ERP44: variants seen among roughly 807,000 people sequenced by gnomAD.
ERP44 encodes the protein endoplasmic reticulum resident protein 44.
Under a neutral mutation model 53.4 loss-of-function variants are expected in ERP44, and 25 were observed. That is an observed-to-expected ratio of 0.47 (90% CI 0.34 to 0.65). The LOEUF is 0.65. Among genes scored for constraint, ERP44 ranks in the 30% least tolerant of loss-of-function variants. The pLI is 0.01. For missense variants in ERP44, 338 were observed against 493.2 expected (o/e 0.69, Z 2.98); for synonymous variants, 145 against 161.2 (o/e 0.90, Z 0.76).
intron 1 of ERP44, among the ~76,000 whole-genome samples, chr9:100,087,415 G>C (rs962217732): frequency 2.6e-5 from 4 of 152,060 alleles, no homozygotes; most frequent in Admixed American, 2.6e-4. Flanking sequence ...TAATACCATT[G>C]GACAGACAAC....
chr9:100,087,897 C>T lies in ERP44; in HGVS notation c.57+10887G>A, dbSNP rs916225599. Among the ~76,000 whole-genome samples the T allele has an allele frequency of 4.6e-5, 7 of 152,126 alleles. No individual in the cohort carries two copies. The South Asian group carries it at 1.0e-3, about 23-fold the overall frequency. ...TAAAATGTTATCAGTGGTTAGTGTACGCATTTTTTTCTTCATTATGCTTTT... is the reference window on the plus strand; with the variant it reads ...TAAAATGTTATCAGTGGTTAGTGTATGCATTTTTTTCTTCATTATGCTTTT... On this transcript the variant is annotated intron_variant, in intron 1 of 11. Transcript: ENST00000262455.
At chr9:100,012,742 C>T (rs1005452060) in intron 8 of ERP44, among the ~76,000 whole-genome samples, 4 of 152,224 alleles carry the variant, frequency 2.6e-5, no homozygotes, top group African/African-American at 9.6e-5. Flanking sequence ...TTTTTAAATG[C>T]TGTTGGCATA....
At chr9:99,999,030 C>G in intron 10 of ERP44, 1 of 907,948 alleles carries the variant, frequency 1.1e-6, no homozygotes, top group Admixed American at 1.9e-5. Flanking sequence ...GGCGCAGCTG[C>G]TCCTTGGTGA....
chr9:100,040,877 A>C (rs991771877), intron 4 of ERP44, among the ~76,000 whole-genome samples: 2 of 152,168 alleles, frequency 1.3e-5, no homozygotes, highest in Non-Finnish European at 2.9e-5. Flanking sequence ...AACAATCTAA[A>C]AAAGAAATAA....
chr9:100,046,968 A>C (rs1445669020), intron 4 of ERP44, among the ~76,000 whole-genome samples: 2 of 152,212 alleles, frequency 1.3e-5, no homozygotes, highest in Non-Finnish European at 2.9e-5. Flanking sequence ...CCACACATAC[A>C]GTGTCAGTTT....
intron 1 of ERP44, among the ~76,000 whole-genome samples, chr9:100,069,414 C>T (rs1015318189): frequency 2.6e-5 from 4 of 151,872 alleles, no homozygotes; most frequent in African/African-American, 9.7e-5. Context: ...TCTTAGAATA[C>T]TCTACAAAAC....
rs1230523154 is a variant in ERP44 at position 99,981,330 on chromosome 9, A to G, written c.*1282T>C. The stretch of plus-strand genomic sequence containing the variant: ...CATTAAATATCCATTATAAATATTA[A>G]TTTTATTTTAAAAGAATTGGAAGAT... On this transcript the variant is annotated 3_prime_UTR_variant, in exon 12 of 12. Coordinates refer to ENST00000262455, the MANE Select transcript of ERP44 (RefSeq NM_015051.3). 6.6e-6 allele frequency: 1 copy of G among 152,612 alleles called. No homozygotes were observed. The highest frequency in any genetic ancestry group is 2.4e-5 in the African/African-American group (1 of 41,456). The allele number at this position is 152,612 out of a possible 1,614,324, so 9.5% of individuals were successfully genotyped here. A position where few individuals can be genotyped will look rare whatever the true frequency, so the allele number is the denominator to read the frequency against.
At chr9:100,096,925 A>C (rs1257970583) in intron 1 of ERP44, among the ~76,000 whole-genome samples, 1 of 152,218 alleles carries the variant, frequency 6.6e-6, no homozygotes, top group African/African-American at 2.4e-5. Context: ...GCGATTAGAC[A>C]GGATAGATGT....
At chr9:100,086,991 A>C (rs908816191) in intron 1 of ERP44, among the ~76,000 whole-genome samples, 4 of 143,582 alleles carry the variant, frequency 2.8e-5, no homozygotes, top group African/African-American at 1.1e-4. Context: ...AGTAGGAATT[A>C]CATTATCCCT....
At chr9:100,061,227 C>T (rs1016163313) in intron 1 of ERP44, among the ~76,000 whole-genome samples, 6 of 151,884 alleles carry the variant, frequency 4.0e-5, no homozygotes, top group African/African-American at 7.3e-5. Context: ...CAGATCACAA[C>T]GAGGTCAAAA....
At chr9:100,035,635 A>G (rs934603029) in intron 4 of ERP44, among the ~76,000 whole-genome samples, 2 of 152,210 alleles carry the variant, frequency 1.3e-5, no homozygotes, top group Non-Finnish European at 2.9e-5. Context: ...GGATTGTGCC[A>G]TTGCACTCCA....
intron 10 of ERP44, among the ~76,000 whole-genome samples, chr9:99,989,693 A>G (rs550635416): frequency 3.9e-5 from 6 of 152,132 alleles, no homozygotes; most frequent in Non-Finnish European, 8.8e-5. Flanking sequence ...AAGTTGACAG[A>G]AGTAGGCTTC....
intron 4 of ERP44, among the ~76,000 whole-genome samples, chr9:100,044,658 C>T (rs1825948371): frequency 6.6e-6 from 1 of 152,148 alleles, no homozygotes; most frequent in Non-Finnish European, 1.5e-5. Flanking sequence ...TTACAATTAA[C>T]AATATCACAA....
intron 1 of ERP44, among the ~76,000 whole-genome samples, chr9:100,093,132 AG>A (rs1332366250): frequency 1.3e-5 from 2 of 152,230 alleles, no homozygotes; most frequent in East Asian, 3.8e-4. Flanking sequence ...AGTAAGCTAC[AG>A]TGCATTTAAA....
chr9:100,062,306 T>A (rs779018363), intron 1 of ERP44, among the ~76,000 whole-genome samples: 7 of 152,238 alleles, frequency 4.6e-5, no homozygotes, highest in Non-Finnish European at 7.3e-5. Flanking sequence ...CCTTTTATTA[T>A]AGGAGTCTCA....
chr9:99,981,270 C>T lies in ERP44; in HGVS notation c.*1342G>A, dbSNP rs190484476. On this transcript the variant is annotated 3_prime_UTR_variant, in exon 12 of 12. Transcript: ENST00000262455. ...GAAACTTTGGATAAATCATGCATAA[C>T]GAGGAATTATAAGCTGGTTTTTAAA... is the stretch of plus-strand genomic sequence containing the variant. The T allele has an allele frequency of 5.9e-5, 9 of 152,178 alleles. No individual in the cohort carries two copies. Among genetic ancestry groups the T allele is most frequent in the South Asian group, 2.1e-4 (1 of 4,820 alleles). 9.4% of individuals were successfully genotyped at this position (152,178 alleles called of 1,614,324 possible).
chr9:100,098,770 A>G lies in ERP44; in HGVS notation c.57+14T>C. ...TCGTGCGTTTGTCGATGGGTCTGTC[A>G]TTCCCTCACTCACCAGGAGCAGAAG... On this transcript the variant is annotated intron_variant, in intron 1 of 11. Transcript: ENST00000262455. 1 of 1,612,048 alleles carries G rather than the reference A, an allele frequency of 6.2e-7. No individual in the cohort carries two copies. The highest frequency in any genetic ancestry group is 8.5e-7 in the Non-Finnish European group (1 of 1,178,224).
intron 1 of ERP44, among the ~76,000 whole-genome samples, chr9:100,068,221 C>T (rs562872206): frequency 2.0e-3 from 294 of 145,240 alleles, no homozygotes; most frequent in Non-Finnish European, 3.5e-3. Flanking sequence ...GTCAGCCCTG[C>T]GCCCGGCCAG....
chr9:100,007,286 CA>C (rs555268121), intron 9 of ERP44, among the ~76,000 whole-genome samples: 116 of 152,308 alleles, frequency 7.6e-4, no homozygotes, highest in African/African-American at 2.8e-3. Context: ...AGGGGTCACA[CA>C]AGCAATGAAG....
Sources: gnomAD v4.1 joint callset for allele counts (sites outside exome capture counted in the v4.1 genomes callset) on GRCh38, gnomAD v4.1.1 for gene constraint, MANE v1.5 for transcripts, NCBI Gene and HGNC (gene_info 2026-07-23, HGNC 2026-07-21) for gene names.